SCN11A: variants seen among roughly 807,000 people sequenced by gnomAD.
The protein encoded by SCN11A is sodium voltage-gated channel alpha subunit 11, also known as sodium channel protein type 11 subunit alpha.
A neutral mutation model predicts 162.2 loss-of-function variants in SCN11A; 122 were observed. The observed-to-expected ratio is 0.75, with a 90% CI of 0.65 to 0.87. The LOEUF (loss-of-function observed/expected upper bound fraction) is 0.87. Ranked by LOEUF, SCN11A falls within the 40% of genes least tolerant of loss-of-function variation. The pLI is 0.00. For missense variants in SCN11A, 2,015 were observed against 2,181.6 expected (o/e 0.92, Z 1.52); for synonymous variants, 758 against 751.5 (o/e 1.01, Z -0.14).
chr3:38,984,773 C>T (rs1271351679), intron 2 of SCN11A, among the ~76,000 whole-genome samples: 1 of 152,074 alleles, frequency 6.6e-6, no homozygotes, highest in Non-Finnish European at 1.5e-5. Context: ...GGCCTCCCAA[C>T]GTGCTGGGAT....
intron 19 of SCN11A, among the ~76,000 whole-genome samples, chr3:38,887,307 C>T (rs1403593327): frequency 3.3e-5 from 5 of 151,990 alleles, no homozygotes; most frequent in African/African-American, 1.2e-4. Context: ...CCAGCCCCTT[C>T]ACCACATGGG....
Position 38,850,482 on chromosome 3 carries a change from A to G in SCN11A, c.4326T>C (p.Val1442=). The G allele has an allele frequency of 6.2e-7, 1 of 1,610,784 alleles. No individual in the cohort carries two copies. Among genetic ancestry groups the G allele is most frequent in the Non-Finnish European group, 8.5e-7 (1 of 1,178,016 alleles). ...FDCVVVLLSI[V]STMISTLENQ... is the part of the protein sequence containing the mutation. ...CCTCTGACTGCTGATTTTACTTACT[A>G]ACAATGGAAAGAAGCACGACCACAC... Residue 1442 remains valine (V), a splice_region_variant and synonymous_variant, in exon 29 of 30, where the codon GTT becomes GTC. Coordinates refer to ENST00000302328, the MANE Select transcript of SCN11A (RefSeq NM_001349253.2).
In SCN11A at chr3:38,871,808, T is replaced by C. The variant is rs1368367871; in HGVS notation, c.3496-100A>G. On this transcript the variant is annotated intron_variant, in intron 24 of 29. Transcript: ENST00000302328. ...GCCTGATGTGCAGGGCTTGATCTCTTGGAGCTCTGTCCTTAATCTCCACAT... is the reference window on the plus strand; with the variant it reads ...GCCTGATGTGCAGGGCTTGATCTCTCGGAGCTCTGTCCTTAATCTCCACAT... The C allele has an allele frequency of 6.1e-6, 6 of 982,436 alleles. No homozygotes were observed. In the Admixed American group the frequency reaches 9.7e-5, roughly 16 times the overall value. The allele number at this position is 982,436 out of a possible 1,614,324, so 60.9% of individuals were successfully genotyped here.
rs559584263 is a variant in SCN11A, at chr3:39,048,941, G to T, written c.-404+2920C>A. Reference sequence around the variant, plus strand: ...AGTATCAGTCACCAGACATGTGAGAGAAGGGGTCTTCAGATGATTCCAGCC... The same window carrying T: ...AGTATCAGTCACCAGACATGTGAGATAAGGGGTCTTCAGATGATTCCAGCC... On this transcript the variant is annotated intron_variant, in intron 1 of 29. Coordinates refer to ENST00000302328, the MANE Select transcript of SCN11A (RefSeq NM_001349253.2). Among the ~76,000 whole-genome samples the T allele has an allele frequency of 2.0e-5, 3 of 152,354 alleles. No individual in the cohort carries two copies. In the South Asian group the frequency reaches 6.2e-4, roughly 32 times the overall value.
intron 2 of SCN11A, among the ~76,000 whole-genome samples, chr3:39,007,861 G>C (rs1244907988): frequency 6.6e-6 from 1 of 152,296 alleles, no homozygotes; most frequent in East Asian, 1.9e-4. Flanking sequence ...CAGATATGTA[G>C]CAAAGTTGGA....
intron 28 of SCN11A, among the ~76,000 whole-genome samples, chr3:38,861,347 C>T (rs2064960265): frequency 6.6e-6 from 1 of 151,866 alleles, no homozygotes; most frequent in African/African-American, 2.4e-5. Flanking sequence ...AGTGCAATTC[C>T]CAACAAAATA....
At chr3:38,922,208 T>A (rs2066064846) in intron 9 of SCN11A, among the ~76,000 whole-genome samples, 1 of 152,224 alleles carries the variant, frequency 6.6e-6, no homozygotes, top group Admixed American at 6.5e-5. Context: ...CATGGCAGCA[T>A]ACAGTGGGAG....
At chr3:38,969,827 T>G (rs1259474049) in intron 2 of SCN11A, among the ~76,000 whole-genome samples, 3 of 152,202 alleles carry the variant, frequency 2.0e-5, no homozygotes, top group African/African-American at 7.2e-5. Flanking sequence ...CCACCTTAAG[T>G]TAACTGCTTA....
chr3:38,887,232 AG>A (rs1447483497), intron 19 of SCN11A, among the ~76,000 whole-genome samples: 2 of 152,048 alleles, frequency 1.3e-5, no homozygotes, highest in Non-Finnish European at 2.9e-5. Context: ...AACCTACTTC[AG>A]GCTGTAGAGT....
chr3:38,876,002 T>C (rs928885608), intron 23 of SCN11A, among the ~76,000 whole-genome samples: 2 of 152,034 alleles, frequency 1.3e-5, no homozygotes, highest in Admixed American at 6.6e-5. Flanking sequence ...GGTACTGGTA[T>C]AAAAATAGGC....
chr3:38,859,601 G>T (rs888594914), intron 28 of SCN11A, among the ~76,000 whole-genome samples: 2 of 152,100 alleles, frequency 1.3e-5, no homozygotes, highest in African/African-American at 4.8e-5. Context: ...AAGAAGAATT[G>T]GTACCAGTCC....
At chr3:38,850,979 T>C (rs2064769195) in intron 28 of SCN11A, among the ~76,000 whole-genome samples, 2 of 152,236 alleles carry the variant, frequency 1.3e-5, no homozygotes, top group Non-Finnish European at 2.9e-5. Context: ...CTTGGGCTTA[T>C]AGCTTTAATT....
chr3:38,986,275 C>T (rs1352992350), intron 2 of SCN11A, among the ~76,000 whole-genome samples: 5 of 145,496 alleles, frequency 3.4e-5, no homozygotes, highest in Middle Eastern at 3.4e-3. Context: ...CCAGCAGATG[C>T]GTCAGGGAGG....
At chr3:38,970,880 C>T (rs546027245) in intron 2 of SCN11A, among the ~76,000 whole-genome samples, 1 of 152,318 alleles carries the variant, frequency 6.6e-6, no homozygotes, top group African/African-American at 2.4e-5. Context: ...GATGCTCTTT[C>T]AGCCCCTCTG....
chr3:38,911,629 C>T (rs1170852558), intron 11 of SCN11A, among the ~76,000 whole-genome samples: 1 of 152,130 alleles, frequency 6.6e-6, no homozygotes, highest in Non-Finnish European at 1.5e-5. Context: ...AGAATTCCTA[C>T]TTAGTCAAAA....
intron 1 of SCN11A, among the ~76,000 whole-genome samples, chr3:39,045,937 A>T (rs2032171376): frequency 6.6e-6 from 1 of 152,224 alleles, no homozygotes; most frequent in Non-Finnish European, 1.5e-5. Flanking sequence ...AAAGAAATTC[A>T]TAAAGTTGTA....
intron 7 of SCN11A, among the ~76,000 whole-genome samples, chr3:38,936,927 C>A (rs1229865945): frequency 6.6e-6 from 1 of 151,944 alleles, no homozygotes; most frequent in East Asian, 1.9e-4. Context: ...AATCCTAAGC[C>A]AAAAGAACAA....
intron 11 of SCN11A, among the ~76,000 whole-genome samples, chr3:38,919,430 A>T (rs60755280): frequency 0.016 from 2,427 of 152,338 alleles, 66 homozygotes; most frequent in African/African-American, 0.056. Flanking sequence ...AGCACCGCTA[A>T]CCTGAAGGAA....
chr3:38,895,555 G>A (rs943673113), intron 18 of SCN11A, among the ~76,000 whole-genome samples: 7 of 152,124 alleles, frequency 4.6e-5, no homozygotes, highest in Admixed American at 2.0e-4. Flanking sequence ...TGGGTTCTTT[G>A]CTCATAATTA....
Sources: allele counts gnomAD v4.1 joint callset (sites outside exome capture counted in the v4.1 genomes callset), GRCh38; gene constraint gnomAD v4.1.1; transcripts MANE v1.5; gene names NCBI Gene and HGNC (gene_info 2026-07-23, HGNC 2026-07-21).